Variants in CCDC127 observed in about 807,000 individuals in gnomAD.
The protein encoded by CCDC127 is coiled-coil domain containing 127.
In CCDC127, 2 loss-of-function variants were observed where a neutral mutation model predicts 4.1. The ratio of observed to expected loss-of-function variants is 0.49; its 90% CI spans 0.20 to 1.53. CCDC127 has a LOEUF of 1.53. CCDC127 is among the 40% of genes most tolerant of loss of function. CCDC127 has a pLI of 0.23. For missense variants in CCDC127, 271 were observed against 322.9 expected (o/e 0.84, Z 1.23); for synonymous variants, 98 against 120.4 (o/e 0.81, Z 1.22).
chr5:213,451 C>A (rs1734314625), intron 2 of CCDC127, among the ~76,000 whole-genome samples: 3 of 108,912 alleles, frequency 2.8e-5, no homozygotes, highest in African/African-American at 4.4e-5. Flanking sequence ...CTTGACATCG[C>A]ACACTGCAGC....
At chr5:217,250 T>A (rs1734425699) in intron 1 of CCDC127, 2 of 180,410 alleles carry the variant, frequency 1.1e-5, no homozygotes, top group South Asian at 1.1e-4. Context: ...GAAGTGCAGG[T>A]AGAATCAGGT....
Position 205,674 on chromosome 5 carries a change from G to C in CCDC127, c.406C>G (p.Pro136Ala), listed in dbSNP as rs1050024400. ...CAGCTCAAATACGCACTTCTCAAAG[G>C]CTGCACCTGTCTTTTTTCTTGCATC... The part of the protein sequence containing the change: ...QVMQEKRQVQ[P>A]LRSAYLSCLQ... The change falls in exon 3 of 3, where the codon CCT becomes GCT. Residue 136 changes from proline to alanine, a missense_variant. By Grantham distance (27) the Pro-to-Ala change is conservative. Transcript: ENST00000296824. 2.5e-5 allele frequency: 40 copies of C among 1,613,946 alleles called. No homozygotes were observed. The highest frequency in any genetic ancestry group is 3.4e-5 in the Non-Finnish European group (40 of 1,180,030).
rs1388861516 is a variant in CCDC127, at chr5:200,004, T to A, written c.*5293A>T. On this transcript the variant is annotated 3_prime_UTR_variant, in exon 3 of 3. Coordinates refer to ENST00000296824, the MANE Select transcript of CCDC127 (RefSeq NM_145265.3). ...CTGCCAGATTCCCAGGTGAGGGAGA[T>A]CTGCTTTCCCCATGGGGTTGGGGCG... is the stretch of plus-strand genomic sequence containing the variant. 1 of 152,130 alleles carries A rather than the reference T, an allele frequency of 6.6e-6. No homozygotes were observed. The highest frequency in any genetic ancestry group is 2.4e-5 in the African/African-American group (1 of 41,418). 9.4% of individuals were successfully genotyped at this position (152,130 alleles called of 1,614,324 possible).
chr5:206,062 G>C, intron 2 of CCDC127, 104 bp from the exon 3 acceptor site: 2 of 1,028,874 alleles, frequency 1.9e-6, no homozygotes, highest in Non-Finnish European at 1.4e-6. Flanking sequence ...TTCAGTAAAA[G>C]CTTAAGACCT....
At chr5:207,919 G>A (rs1220635522) in intron 2 of CCDC127, among the ~76,000 whole-genome samples, 2 of 152,096 alleles carry the variant, frequency 1.3e-5, no homozygotes. Context: ...CACAGACAAT[G>A]ACGCACACGG....
intron 2 of CCDC127, among the ~76,000 whole-genome samples, chr5:208,680 T>C (rs1327737386): frequency 1.3e-5 from 2 of 152,166 alleles, no homozygotes; most frequent in Admixed American, 6.5e-5. Flanking sequence ...CGGGGGCCCA[T>C]GGGGGCCAGA....
At position 204,747 on chromosome 5, in the gene CCDC127, A is replaced by T. The variant is rs1734134847; in HGVS notation, c.*550T>A. 1 of 152,366 alleles carries T rather than the reference A, an allele frequency of 6.6e-6. No homozygotes were observed. The highest frequency in any genetic ancestry group is 1.9e-4 in the East Asian group (1 of 5,196). 9.4% of individuals were successfully genotyped at this position (152,366 alleles called of 1,614,324 possible). On this transcript the variant is annotated 3_prime_UTR_variant, in exon 3 of 3. Transcript: ENST00000296824. ...TACAACAAACACACATTAAGTAACA[A>T]CTGGATACAAGAAACACTTGGTATT... is the stretch of plus-strand genomic sequence containing the variant.
intron 2 of CCDC127, among the ~76,000 whole-genome samples, chr5:209,765 A>G (rs944677997): frequency 4.6e-5 from 7 of 152,276 alleles, no homozygotes; most frequent in Non-Finnish European, 1.0e-4. Flanking sequence ...AACTAATTCT[A>G]CAGCACGGCC....
chr5:217,440 C>T (rs1243887381), intron 1 of CCDC127, among the ~76,000 whole-genome samples: 2 of 152,298 alleles, frequency 1.3e-5, no homozygotes, highest in Middle Eastern at 3.4e-3. Context: ...CCTCACGTCT[C>T]CCTTCTATTT....
chr5:212,528 A>C (rs1432164896), intron 2 of CCDC127, among the ~76,000 whole-genome samples: 1 of 4,524 alleles, frequency 2.2e-4, no homozygotes, highest in Middle Eastern at 0.033. Context: ...CGGGACAGCA[A>C]TGTGAGCACG....
chr5:207,723 C>G (rs1215892034), intron 2 of CCDC127, among the ~76,000 whole-genome samples: 2 of 152,198 alleles, frequency 1.3e-5, no homozygotes, highest in Middle Eastern at 3.4e-3. Context: ...GGGATATGTT[C>G]TGCAGCCACG....
intron 1 of CCDC127, chr5:217,289 G>T (rs1171273987): frequency 3.0e-5 from 5 of 164,554 alleles, no homozygotes; most frequent in Admixed American, 5.8e-5. Flanking sequence ...ATGTTTAAAT[G>T]TATGGCTGCT....
intron 2 of CCDC127, among the ~76,000 whole-genome samples, chr5:213,724 C>T (rs112526809): frequency 0.01 from 1,596 of 152,280 alleles, 35 homozygotes; most frequent in African/African-American, 0.037. Flanking sequence ...GTGGAGAAAC[C>T]GATCAGCTCT....
At chr5:208,215 C>G (rs906360595) in intron 2 of CCDC127, among the ~76,000 whole-genome samples, 1 of 152,178 alleles carries the variant, frequency 6.6e-6, no homozygotes, top group African/African-American at 2.4e-5. Context: ...ATCTGTAAAA[C>G]AAGATGACTC....
At position 212,446 on chromosome 5, in the gene CCDC127, C is replaced by T. The variant is rs1199678478; in HGVS notation, c.121+4283G>A. Among the ~76,000 whole-genome samples the T allele has an allele frequency of 1.4e-4, 5 of 35,096 alleles. 1 individual carries two copies. Among genetic ancestry groups the T allele is most frequent in the Admixed American group, 2.5e-4 (1 of 4,036 alleles). The allele number at this position is 35,096 out of a possible 152,430, so 23.0% of individuals were successfully genotyped here. On this transcript the variant is annotated intron_variant, in intron 2 of 2. Transcript: ENST00000296824. ...GGCAGACTGGACAGCAATGTGAGCACGCTGAGATGCTCGACATTGCACACT... is the reference window on the plus strand; with the variant it reads ...GGCAGACTGGACAGCAATGTGAGCATGCTGAGATGCTCGACATTGCACACT...
intron 1 of CCDC127, among the ~76,000 whole-genome samples, chr5:217,476 C>T (rs1431178237): frequency 6.6e-6 from 1 of 152,164 alleles, no homozygotes; most frequent in Non-Finnish European, 1.5e-5. Flanking sequence ...AACCCTCATA[C>T]AGTTGTATCA....
rs1194368375 is a variant in CCDC127 at position 197,630 on chromosome 5, C to G, written c.*7667G>C. ...CATACAACACATGTTTTTGTGAGCT[C>G]CAGGTTGGGGCAAAGTGGCTGGGGC... On this transcript the variant is annotated 3_prime_UTR_variant, in exon 3 of 3. Coordinates refer to ENST00000296824, the MANE Select transcript of CCDC127 (RefSeq NM_145265.3). The G allele has an allele frequency of 6.6e-6, 1 of 152,542 alleles. No individual in the cohort carries two copies. Among genetic ancestry groups the G allele is most frequent in the Non-Finnish European group, 1.5e-5 (1 of 68,312 alleles). The allele number at this position is 152,542 out of a possible 1,614,324, so 9.4% of individuals were successfully genotyped here. A position where few individuals can be genotyped will look rare whatever the true frequency, so the allele number is the denominator to read the frequency against.
rs1407659403 is a variant in CCDC127, at chr5:203,188, A to C, written c.*2109T>G. On this transcript the variant is annotated 3_prime_UTR_variant, in exon 3 of 3. Transcript: ENST00000296824. The stretch of plus-strand genomic sequence containing the variant: ...AGGAGGCGGAGGCTGTAGTGAGCTG[A>C]GATCACACCACTGCACTCCTGCCTG... 3 of 152,330 alleles carry C rather than the reference A, an allele frequency of 2.0e-5. No homozygotes were observed. Among genetic ancestry groups the C allele is most frequent in the Non-Finnish European group, 4.4e-5 (3 of 68,120 alleles). 9.4% of individuals were successfully genotyped at this position (152,330 alleles called of 1,614,324 possible).
chr5:210,098 C>T (rs1352530330), intron 2 of CCDC127, among the ~76,000 whole-genome samples: 1 of 152,186 alleles, frequency 6.6e-6, no homozygotes, highest in Non-Finnish European at 1.5e-5. Flanking sequence ...AAATCAAAGG[C>T]AAACAGGCTG....
Sources: gnomAD v4.1 joint callset for allele counts (sites outside exome capture counted in the v4.1 genomes callset) on GRCh38, gnomAD v4.1.1 for gene constraint, MANE v1.5 for transcripts, NCBI Gene and HGNC (gene_info 2026-07-23, HGNC 2026-07-21) for gene names.